Variants in SPAG9 observed in about 807,000 individuals in gnomAD.
SPAG9 encodes the protein C-Jun-amino-terminal kinase-interacting protein 4.
A neutral mutation model predicts 166.5 loss-of-function variants in SPAG9; 35 were observed. The ratio of observed to expected loss-of-function variants is 0.21; its 90% CI spans 0.16 to 0.28. The LOEUF (loss-of-function observed/expected upper bound fraction) is 0.28. Among genes scored for constraint, SPAG9 ranks in the 10% least tolerant of loss-of-function variants. The pLI is 1.00. For synonymous variants in SPAG9, 534 were observed against 565.5 expected, an observed-to-expected ratio of 0.94 and a Z score of 0.79; for missense variants, 1,235 against 1,603.3, an observed-to-expected ratio of 0.77 and a Z score of 3.92.
chr17:51,023,298 TTTA>T (rs780014124), intron 6 of SPAG9: 12 of 153,658 alleles, frequency 7.8e-5, no homozygotes, highest in Non-Finnish European at 1.7e-4. Flanking sequence ...ATTTTTATAA[TTTA>T]TTAATTTATA....
At chr17:51,000,026 C>A (rs771449943) in intron 13 of SPAG9, among the ~76,000 whole-genome samples, 3 of 152,174 alleles carry the variant, frequency 2.0e-5, no homozygotes, top group African/African-American at 4.8e-5. Context: ...TGAAAAGATA[C>A]CCTCTAACTT....
At chr17:51,009,983 A>G (rs1456457344) in intron 9 of SPAG9, among the ~76,000 whole-genome samples, 3 of 152,134 alleles carry the variant, frequency 2.0e-5, no homozygotes, top group African/African-American at 7.2e-5. Flanking sequence ...AAGTGGCCTC[A>G]TTTCTATTCA....
intron 9 of SPAG9, chr17:51,009,064 G>A (rs1050859964): frequency 4.7e-6 from 2 of 421,388 alleles, no homozygotes; most frequent in African/African-American, 4.1e-5. Context: ...AGCATTAGAT[G>A]AGAACAGCAG....
Position 50,990,435 on chromosome 17 carries a change from A to G in SPAG9, c.2617+15T>C. ...TAGACTCTATACAGATGGCAGGTAA[A>G]GAGAATGGATATACCTGGTGGTTTA... On this transcript the variant is annotated intron_variant, in intron 20 of 29. Coordinates refer to ENST00000262013, the MANE Select transcript of SPAG9 (RefSeq NM_001130528.3). 1 of 1,589,230 alleles carries G rather than the reference A, an allele frequency of 6.3e-7. No individual in the cohort carries two copies. The highest frequency in any genetic ancestry group is 1.1e-5 in the South Asian group (1 of 90,578).
At chr17:51,113,074 C>A (rs1327488782) in intron 1 of SPAG9, among the ~76,000 whole-genome samples, 1 of 151,874 alleles carries the variant, frequency 6.6e-6, no homozygotes, top group Non-Finnish European at 1.5e-5. Context: ...TTGGCCGCTG[C>A]CGGGCGTGGT....
intron 6 of SPAG9, among the ~76,000 whole-genome samples, chr17:51,022,142 A>AG (rs1256166239): frequency 1.3e-5 from 2 of 150,298 alleles, no homozygotes; most frequent in African/African-American, 4.9e-5. Context: ...AAAAAAAAAA[A>AG]GCGGGGAGAG....
rs1051836370 is a variant in SPAG9 at position 50,963,157 on chromosome 17, A to G, written c.*3115T>C. The G allele has an allele frequency of 6.6e-6, 1 of 152,228 alleles. No individual in the cohort carries two copies. The highest frequency in any genetic ancestry group is 2.4e-5 in the African/African-American group (1 of 41,444). The allele number at this position is 152,228 out of a possible 1,614,324, so 9.4% of individuals were successfully genotyped here. ...TATGGTTCAACCTTGCACATGACTC[A>G]AGTGTAAAAAAAGGAGAAACCTTCA... is the stretch of plus-strand genomic sequence containing the variant. On this transcript the variant is annotated 3_prime_UTR_variant, in exon 30 of 30. Transcript: ENST00000262013.
At chr17:51,010,568 GAAAAAA>G in intron 9 of SPAG9, among the ~76,000 whole-genome samples, 1 of 124,856 alleles carries the variant, frequency 8.0e-6, no homozygotes, top group African/African-American at 3.0e-5. Context: ...GGCAAGAAAA[GAAAAAA>G]AAAAAAAAAT....
At chr17:51,047,501 T>A in intron 3 of SPAG9, 32 bp from the exon 4 acceptor site, 1 of 999,708 alleles carries the variant, frequency 1.0e-6, no homozygotes, top group Non-Finnish European at 1.5e-6. Flanking sequence ...TACACAATAT[T>A]TAAGGCTAAT....
chr17:51,042,083 T>C (rs2046860897), intron 4 of SPAG9, among the ~76,000 whole-genome samples: 1 of 152,176 alleles, frequency 6.6e-6, no homozygotes, highest in African/African-American at 2.4e-5. Context: ...TACTGAAGCT[T>C]CTTCAGGGTA....
intron 1 of SPAG9, among the ~76,000 whole-genome samples, chr17:51,118,663 TAACA>T (rs751489741): frequency 2.0e-5 from 3 of 152,236 alleles, no homozygotes; most frequent in Non-Finnish European, 4.4e-5. Context: ...TAAAGAGTGC[TAACA>T]AACAAGCGGA....
chr17:51,043,598 T>C (rs1417185275), intron 4 of SPAG9, among the ~76,000 whole-genome samples: 1 of 152,142 alleles, frequency 6.6e-6, no homozygotes, highest in Non-Finnish European at 1.5e-5. Context: ...TCTGATGTTT[T>C]CCCCCCATAT....
At chr17:51,066,348 C>T (rs2144572083) in intron 2 of SPAG9, among the ~76,000 whole-genome samples, 1 of 152,010 alleles carries the variant, frequency 6.6e-6, no homozygotes, top group Middle Eastern at 3.4e-3. Context: ...TGGTCTCAAG[C>T]ACTCCTCCCG....
In SPAG9 at chr17:51,007,351, CTT is replaced by C; in HGVS notation, c.1214-27_1214-26del. ...CCTATCAAACGAAAAAAGATAAAGA[CTT>C]TGAAAATAAATGCATCAATAATTAT... On this transcript the variant is annotated intron_variant, in intron 9 of 29. Coordinates refer to ENST00000262013, the MANE Select transcript of SPAG9 (RefSeq NM_001130528.3). 3 of 1,403,786 alleles carry C rather than the reference CTT, an allele frequency of 2.1e-6. No homozygotes were observed. The South Asian group carries it at 3.9e-5, about 18-fold the overall frequency. 87.0% of individuals were successfully genotyped at this position (1,403,786 alleles called of 1,614,324 possible).
intron 1 of SPAG9, among the ~76,000 whole-genome samples, chr17:51,112,789 CA>C (rs2049156660): frequency 7.0e-6 from 1 of 142,784 alleles, no homozygotes; most frequent in Non-Finnish European, 1.5e-5. Flanking sequence ...GCTTGCATAA[CA>C]TAACGAGACC....
At chr17:51,107,349 A>C (rs1295838695) in intron 1 of SPAG9, among the ~76,000 whole-genome samples, 1 of 151,868 alleles carries the variant, frequency 6.6e-6, no homozygotes, top group Non-Finnish European at 1.5e-5. Flanking sequence ...GGAGTTTGAG[A>C]CCAGCCTGGG....
rs965550286 is a variant in SPAG9, at chr17:51,084,660, T to C, written c.304-4956A>G. Among the ~76,000 whole-genome samples, 26 of 152,112 alleles carry C rather than the reference T, an allele frequency of 1.7e-4. 1 individual carries two copies. The highest frequency in any genetic ancestry group is 2.0e-4 in the Admixed American group (3 of 15,260). ...CTGACCTCAAGCGATCTGCCTGTCT[T>C]GGCCTCCCAAAGTGCTGGGATTACA... On this transcript the variant is annotated intron_variant, in intron 1 of 29. Coordinates refer to ENST00000262013, the MANE Select transcript of SPAG9 (RefSeq NM_001130528.3).
chr17:51,077,096 AT>A (rs2048034283), intron 2 of SPAG9, among the ~76,000 whole-genome samples: 1 of 123,238 alleles, frequency 8.1e-6, no homozygotes, highest in African/African-American at 3.3e-5. Flanking sequence ...CTAGCTATCT[AT>A]CTAGCTAGCT....
At chr17:51,010,072 A>C (rs1301805267) in intron 9 of SPAG9, among the ~76,000 whole-genome samples, 1 of 152,080 alleles carries the variant, frequency 6.6e-6, no homozygotes, top group Non-Finnish European at 1.5e-5. Context: ...TAAAAAAAAA[A>C]CTGCCTGGCA....
Sources: allele counts gnomAD v4.1 joint callset (sites outside exome capture counted in the v4.1 genomes callset), GRCh38; gene constraint gnomAD v4.1.1; transcripts MANE v1.5; gene names NCBI Gene and HGNC (gene_info 2026-07-23, HGNC 2026-07-21).